Variants in UBR2 observed in about 807,000 individuals in gnomAD.
The protein encoded by UBR2 is E3 ubiquitin-protein ligase UBR2.
A neutral mutation model predicts 247.9 loss-of-function variants in UBR2; 92 were observed. The ratio of observed to expected loss-of-function variants is 0.37; its 90% CI spans 0.31 to 0.44. The LOEUF (loss-of-function observed/expected upper bound fraction) is 0.44, where lower values mean the gene tolerates loss of function less well. UBR2 is among the 20% of genes least tolerant of loss of function. The probability of loss-of-function intolerance (pLI) is 1.00; values close to 1 mark genes in which losing one functional copy is unlikely to be tolerated. For synonymous variants in UBR2, 672 were observed against 693.5 expected (o/e 0.97, Z 0.49); for missense variants, 1,613 against 2,112.6 (o/e 0.76, Z 4.64).
chr6:42,602,640 C>CATTAATA (rs1714432462), intron 4 of UBR2, among the ~76,000 whole-genome samples: 1 of 148,034 alleles, frequency 6.8e-6, no homozygotes, highest in African/African-American at 2.5e-5. Flanking sequence ...TATACATTTA[C>CATTAATA]ATTAATATAT....
chr6:42,622,731 A>C (rs528245493), intron 11 of UBR2, among the ~76,000 whole-genome samples: 2 of 151,470 alleles, frequency 1.3e-5, no homozygotes, highest in Non-Finnish European at 2.9e-5. Flanking sequence ...TCTATGGGAA[A>C]TTTTTTTTAA....
intron 1 of UBR2, among the ~76,000 whole-genome samples, chr6:42,569,885 C>T (rs916008970): frequency 2.0e-5 from 3 of 152,194 alleles, no homozygotes; most frequent in African/African-American, 7.2e-5. Flanking sequence ...AATGAGTTGA[C>T]AGTTTCTTTA....
chr6:42,639,969 A>G (rs1186508428), intron 15 of UBR2, among the ~76,000 whole-genome samples: 1 of 152,210 alleles, frequency 6.6e-6, no homozygotes, highest in Admixed American at 6.5e-5. Context: ...CGGAGCTTGC[A>G]GTGATCCAAG....
At chr6:42,650,481 G>T (rs190032018) in intron 23 of UBR2, 95 bp downstream of exon 23, 210 of 1,037,036 alleles carry the variant, frequency 2.0e-4, no homozygotes, top group Non-Finnish European at 2.9e-4. Context: ...GAGTTTGGTG[G>T]CTATTCACAA....
intron 11 of UBR2, among the ~76,000 whole-genome samples, chr6:42,624,622 G>C (rs908026611): frequency 7.2e-5 from 11 of 152,136 alleles, no homozygotes; most frequent in African/African-American, 1.9e-4. Flanking sequence ...TTGGAGGTTA[G>C]GGGTTTTCAA....
intron 23 of UBR2, 138 bp downstream of exon 23, chr6:42,650,524 T>C (rs1797051843): frequency 1.6e-6 from 1 of 633,784 alleles, no homozygotes; most frequent in Non-Finnish European, 2.6e-6. Flanking sequence ...CTCAAACTCC[T>C]GGGCTCAAGC....
Position 42,642,445 on chromosome 6 carries a change from A to G in UBR2, c.2061A>G (p.Arg687=), listed in dbSNP as rs1796504653. Residue 687 remains arginine, a synonymous_variant, in exon 18 of 47, where the codon AGA becomes AGG. Transcript: ENST00000372901. ...QIYYYHNVKC[R]REMFDKDVVM... ...ATTACTACCATAATGTGAAATGCAGACGTGAGATGTTTGACAAGGATGTAG... is the reference window on the plus strand; with the variant it reads ...ATTACTACCATAATGTGAAATGCAGGCGTGAGATGTTTGACAAGGATGTAG... 2 of 1,611,346 alleles carry G rather than the reference A, an allele frequency of 1.2e-6. No homozygotes were observed. The highest frequency in any genetic ancestry group is 1.3e-5 in the African/African-American group (1 of 74,788).
chr6:42,604,484 A>G (rs1436544515), intron 5 of UBR2, among the ~76,000 whole-genome samples: 3 of 152,082 alleles, frequency 2.0e-5, no homozygotes, highest in Non-Finnish European at 4.4e-5. Context: ...CTTTTTGGAA[A>G]TGATGAAAAT....
chr6:42,663,976 T>C (rs1797968423), intron 32 of UBR2, among the ~76,000 whole-genome samples: 1 of 152,070 alleles, frequency 6.6e-6, no homozygotes, highest in African/African-American at 2.4e-5. Context: ...CTGGGCAACA[T>C]AGTGAGACCC....
chr6:42,614,233 C>T lies in UBR2; in HGVS notation c.986-838C>T, dbSNP rs1174528311. Reference sequence around the variant, plus strand: ...ATATATATATACACACACACACACACACACACACACACGCGCGCACATATA... The same window carrying T: ...ATATATATATACACACACACACACATACACACACACACGCGCGCACATATA... On this transcript the variant is annotated intron_variant, in intron 8 of 46. Transcript: ENST00000372901. 4.4e-3 allele frequency among the ~76,000 whole-genome samples: 441 copies of T among 99,756 alleles called. 54 individuals carry two copies. The highest frequency in any genetic ancestry group is 8.3e-3 in the Admixed American group (75 of 9,022). 65.4% of individuals were successfully genotyped at this position (99,756 alleles called of 152,430 possible).
intron 5 of UBR2, among the ~76,000 whole-genome samples, chr6:42,605,253 G>C (rs1793628990): frequency 6.6e-6 from 1 of 152,050 alleles, no homozygotes; most frequent in South Asian, 2.1e-4. Flanking sequence ...TGTTATGGGG[G>C]CTGTCTGGTG....
At chr6:42,576,781 A>G (rs943924347) in intron 2 of UBR2, among the ~76,000 whole-genome samples, 2 of 151,974 alleles carry the variant, frequency 1.3e-5, no homozygotes, top group Non-Finnish European at 2.9e-5. Flanking sequence ...TCAGCCTCTC[A>G]AAGTGCTGGG....
At position 42,658,811 on chromosome 6, in the gene UBR2, G is replaced by A; in HGVS notation, c.3229G>A (p.Val1077Ile). ...AGAACTGGATGCCTCAACCTCTGCT[G>A]TTCTTGATCATAGGTAAAAAAAAAA... ...TLELDASTSAVLDHSPVASDM... is the reference protein window; with the variant it reads ...TLELDASTSAILDHSPVASDM... Residue 1077 changes from valine (V) to isoleucine (I), a missense_variant, in exon 29 of 47, where the codon GTT (valine) becomes ATT (isoleucine). Coordinates refer to ENST00000372901, the MANE Select transcript of UBR2 (RefSeq NM_001363705.2). 2 of 1,487,888 alleles carry A rather than the reference G, an allele frequency of 1.3e-6. No individual in the cohort carries two copies. The highest frequency in any genetic ancestry group is 4.9e-5 in the Admixed American group (2 of 41,204). 92.2% of individuals were successfully genotyped at this position (1,487,888 alleles called of 1,614,324 possible).
chr6:42,642,338 T>G (rs1796497236), intron 17 of UBR2, 78 bp from the exon 18 acceptor site: 8 of 958,698 alleles, frequency 8.3e-6, no homozygotes, highest in Non-Finnish European at 1.1e-5. Context: ...TTGTACAAAC[T>G]TGTGCTTTTG....
chr6:42,655,759 T>C, intron 26 of UBR2, 36 bp downstream of exon 26: 1 of 1,251,344 alleles, frequency 8.0e-7, no homozygotes, highest in African/African-American at 1.6e-5. Context: ...TAACTCAAGA[T>C]ATAAATGATT....
rs1461430299 is a variant in UBR2, at chr6:42,672,777, C to T, written c.4087-1014C>T. ...GTACTGTGAGTTAGAGACCTCTCATCTGTGATGCCTGCCTCCTTCCCCACT... is the reference window on the plus strand; with the variant it reads ...GTACTGTGAGTTAGAGACCTCTCATTTGTGATGCCTGCCTCCTTCCCCACT... On this transcript the variant is annotated intron_variant, in intron 36 of 46. Coordinates refer to ENST00000372901, the MANE Select transcript of UBR2 (RefSeq NM_001363705.2). Among the ~76,000 whole-genome samples, 5 of 152,150 alleles carry T rather than the reference C, an allele frequency of 3.3e-5. No individual in the cohort carries two copies. In the East Asian group the frequency reaches 5.8e-4, roughly 18 times the overall value.
In UBR2 at chr6:42,614,205, A is replaced by ATATAT. The variant is rs1562310782; in HGVS notation, c.986-866_986-865insTATAT. 1.3e-3 allele frequency among the ~76,000 whole-genome samples: 35 copies of ATATAT among 26,602 alleles called. 1 individual carries two copies. The highest frequency in any genetic ancestry group is 1.6e-3 in the Admixed American group (3 of 1,894). 17.5% of individuals were successfully genotyped at this position (26,602 alleles called of 152,430 possible). On this transcript the variant is annotated intron_variant, in intron 8 of 46. Coordinates refer to ENST00000372901, the MANE Select transcript of UBR2 (RefSeq NM_001363705.2). ...AAAAAAAAAAAAAAAAAAAAAAAAA[A>ATATAT]CTATATATATATACACACACACACA...
chr6:42,642,065 G>T (rs1796480427), intron 17 of UBR2, among the ~76,000 whole-genome samples: 1 of 152,042 alleles, frequency 6.6e-6, no homozygotes. Flanking sequence ...GGCTTGGAAT[G>T]AATTTTTTTT....
At chr6:42,656,170 C>T (rs1797429013) in intron 26 of UBR2, among the ~76,000 whole-genome samples, 1 of 152,160 alleles carries the variant, frequency 6.6e-6, no homozygotes, top group Non-Finnish European at 1.5e-5. Flanking sequence ...TTTATATTTA[C>T]ATACTTTCTT....
Sources: allele counts gnomAD v4.1 joint callset (sites outside exome capture counted in the v4.1 genomes callset), GRCh38; gene constraint gnomAD v4.1.1; transcripts MANE v1.5; gene names NCBI Gene and HGNC (gene_info 2026-07-23, HGNC 2026-07-21).